The following SNRPB2 variants were observed in gnomAD, a reference collection of about 807,000 sequenced individuals.
SNRPB2 encodes U2 small nuclear ribonucleoprotein B''.
A neutral mutation model predicts 26.3 loss-of-function variants in SNRPB2; 16 were observed. The ratio of observed to expected loss-of-function variants is 0.61; its 90% CI spans 0.41 to 0.92. SNRPB2 has a LOEUF of 0.92. SNRPB2 is among the 40% of genes least tolerant of loss of function. The pLI is 0.00. For synonymous variants in SNRPB2, 75 were observed against 89.0 expected (o/e 0.84, Z 0.88); for missense variants, 179 against 268.1 (o/e 0.67, Z 2.32).
At chr20:16,733,152 C>G (rs1460393869) in intron 3 of SNRPB2, among the ~76,000 whole-genome samples, 1 of 152,220 alleles carries the variant, frequency 6.6e-6, no homozygotes, top group Non-Finnish European at 1.5e-5. Flanking sequence ...TCTGGTTGTA[C>G]TATTAACTGG....
intron 3 of SNRPB2, among the ~76,000 whole-genome samples, chr20:16,733,194 G>A (rs1438862959): frequency 2.6e-5 from 4 of 152,160 alleles, no homozygotes; most frequent in South Asian, 4.1e-4. Flanking sequence ...TACCACCTCC[G>A]GTAAACAAAT....
chr20:16,735,304 T>TC (rs2072418108), intron 3 of SNRPB2, among the ~76,000 whole-genome samples: 1 of 152,172 alleles, frequency 6.6e-6, no homozygotes, highest in African/African-American at 2.4e-5. Flanking sequence ...TACAAAGTAA[T>TC]TTGTACAGAT....
chr20:16,733,315 T>TA lies in SNRPB2; in HGVS notation c.237+980dup, dbSNP rs374797529. 7.8e-3 allele frequency among the ~76,000 whole-genome samples: 1,185 copies of TA among 152,354 alleles called. 17 individuals are homozygous for TA. The highest frequency in any genetic ancestry group is 0.027 in the African/African-American group (1,121 of 41,586). On this transcript the variant is annotated intron_variant, in intron 3 of 6. Transcript: ENST00000246071. ...TCTGTTACCTGTTCTTTTATGTACT[T>TA]ACGTTTTTTAACAACCCTTTAACAT...
At position 16,738,916 on chromosome 20, in the gene SNRPB2, C is replaced by A; in HGVS notation, c.429+14C>A. ...CCAAATCCTCAGGTAATTTTTTTTC[C>A]ATGTCGTGCTTACCTTAAAATAAGA... On this transcript the variant is annotated intron_variant, in intron 5 of 6. Transcript: ENST00000246071. 6.4e-7 allele frequency: 1 copy of A among 1,572,562 alleles called. No individual in the cohort carries two copies. Among genetic ancestry groups the A allele is most frequent in the Non-Finnish European group, 8.7e-7 (1 of 1,142,874 alleles).
intron 3 of SNRPB2, 61 bp downstream of exon 3, chr20:16,732,397 A>T (rs994125650): frequency 1.2e-6 from 1 of 849,592 alleles, no homozygotes; most frequent in African/African-American, 1.8e-5. Flanking sequence ...GGGACAGTAG[A>T]TTTGTAAATA....
chr20:16,738,303 G>A (rs1012958672), intron 4 of SNRPB2, among the ~76,000 whole-genome samples: 1 of 151,436 alleles, frequency 6.6e-6, no homozygotes, highest in Non-Finnish European at 1.5e-5. Flanking sequence ...TTACCTGGCC[G>A]TGGTGGTGGA....
At chr20:16,740,459 G>C (rs764076198) in intron 6 of SNRPB2, 46 bp downstream of exon 6, 12 of 1,601,776 alleles carry the variant, frequency 7.5e-6, no homozygotes, top group Non-Finnish European at 1.0e-5. Flanking sequence ...CTTCCTCACA[G>C]GACAAGTAGT....
In SNRPB2 at chr20:16,740,332, A is replaced by T. The variant is rs1226477962; in HGVS notation, c.437A>T (p.Asp146Val). ...GNSTPNPQVP[D>V]YPPNYILFLN... ...CTTTTTACTTTTTAATAGGTCCCTG[A>T]TTACCCTCCAAACTATATTTTATTC... Residue 146 changes from aspartate to valine, a missense_variant, in exon 6 of 7, where the codon GAT becomes GTT. Physicochemically the swap from Asp to Val is radical, Grantham distance 152 (BLOSUM62 -3). This residue lies in a region of SNRPB2 where 145 missense variants were observed against 180.7 expected (regional missense o/e 0.80). Coordinates refer to ENST00000246071, the MANE Select transcript of SNRPB2 (RefSeq NM_003092.5). The T allele has an allele frequency of 1.9e-6, 3 of 1,610,650 alleles. No individual in the cohort carries two copies.
rs1444283721 is a variant in SNRPB2, at chr20:16,742,084, A to T, written c.*1079A>T. 6.6e-6 allele frequency: 1 copy of T among 152,212 alleles called. No homozygotes were observed. Among genetic ancestry groups the T allele is most frequent in the Non-Finnish European group, 1.5e-5 (1 of 68,044 alleles). The allele number at this position is 152,212 out of a possible 1,614,324, so 9.4% of individuals were successfully genotyped here. A position where few individuals can be genotyped will look rare whatever the true frequency, so the allele number is the denominator to read the frequency against. ...CTTTTAGACTTACGTAGACAGTATCACATCACTCTTATGCATACATAAAGA... is the reference window on the plus strand; with the variant it reads ...CTTTTAGACTTACGTAGACAGTATCTCATCACTCTTATGCATACATAAAGA... On this transcript the variant is annotated 3_prime_UTR_variant, in exon 7 of 7. Coordinates refer to ENST00000246071, the MANE Select transcript of SNRPB2 (RefSeq NM_003092.5).
At chr20:16,739,239 A>AACT (rs1333590435) in intron 5 of SNRPB2, among the ~76,000 whole-genome samples, 1 of 152,228 alleles carries the variant, frequency 6.6e-6, no homozygotes, top group Non-Finnish European at 1.5e-5. Flanking sequence ...GGGTAAGGGT[A>AACT]ACTGGCAGGG....
intron 3 of SNRPB2, chr20:16,732,597 A>G (rs2072400116): frequency 3.8e-6 from 1 of 264,690 alleles, no homozygotes; most frequent in Non-Finnish European, 7.0e-6. Context: ...TCAAAAAGTT[A>G]GAAATTAATA....
intron 1 of SNRPB2, among the ~76,000 whole-genome samples, chr20:16,731,346 AT>A (rs2072388976): frequency 6.6e-6 from 1 of 152,254 alleles, no homozygotes; most frequent in Non-Finnish European, 1.5e-5. Flanking sequence ...TCAAATCTAC[AT>A]TTTAAAATTA....
chr20:16,731,578 G>A, intron 1 of SNRPB2, 90 bp from the exon 2 acceptor site: 1 of 1,304,852 alleles, frequency 7.7e-7, no homozygotes, highest in Non-Finnish European at 1.1e-6. Flanking sequence ...CTGACAACTG[G>A]GATTGAAAGA....
In SNRPB2 at chr20:16,741,027, A is replaced by G. The variant is rs1252381446; in HGVS notation, c.*22A>G. 1.3e-6 allele frequency: 2 copies of G among 1,559,974 alleles called. No homozygotes were observed. The highest frequency in any genetic ancestry group is 2.7e-5 in the African/African-American group (2 of 73,680). On this transcript the variant is annotated 3_prime_UTR_variant, in exon 7 of 7. Transcript: ENST00000246071. ...ATAACATTTGGGATAGTCGTCTTTA[A>G]AAGACTTGGTGTTATTTACAGTGTT...
chr20:16,738,796 C>T (rs2072444768), intron 4 of SNRPB2, 56 bp from the exon 5 acceptor site: 3 of 912,020 alleles, frequency 3.3e-6, no homozygotes, highest in Middle Eastern at 4.3e-4. Flanking sequence ...ATATAAATAC[C>T]TGCTGCGTTT....
At chr20:16,735,365 A>G (rs77187705) in intron 3 of SNRPB2, among the ~76,000 whole-genome samples, 93 of 149,528 alleles carry the variant, frequency 6.2e-4, no homozygotes, top group African/African-American at 2.2e-3. Context: ...CAGAGAGGCA[A>G]TAATTCTTTC....
chr20:16,730,625 C>T lies in SNRPB2; in HGVS notation c.-36+461C>T, dbSNP rs967685627. The T allele has an allele frequency of 2.0e-5, 3 of 152,256 alleles. No homozygotes were observed. In the East Asian group the frequency reaches 5.8e-4, roughly 29 times the overall value. The allele number at this position is 152,256 out of a possible 1,614,324, so 9.4% of individuals were successfully genotyped here. On this transcript the variant is annotated intron_variant, in intron 1 of 6. Coordinates refer to ENST00000246071, the MANE Select transcript of SNRPB2 (RefSeq NM_003092.5). Reference sequence around the variant, plus strand: ...AGGCTTTGAGAAGCGTTACGTTTTACCTGTTACCTGCACAAGTGCAGCCCC... The same window carrying T: ...AGGCTTTGAGAAGCGTTACGTTTTATCTGTTACCTGCACAAGTGCAGCCCC...
At chr20:16,737,484 A>G in intron 4 of SNRPB2, 83 bp downstream of exon 4, 2 of 1,313,034 alleles carry the variant, frequency 1.5e-6, no homozygotes, top group African/African-American at 1.5e-5. Flanking sequence ...GAATGATCTT[A>G]GGCTTGTCTG....
At chr20:16,733,508 C>T (rs1220292527) in intron 3 of SNRPB2, among the ~76,000 whole-genome samples, 1 of 152,166 alleles carries the variant, frequency 6.6e-6, no homozygotes, top group African/African-American at 2.4e-5. Context: ...CCAGTGGCAG[C>T]CTCAGGAGTT....
Sources: allele counts gnomAD v4.1 joint callset (sites outside exome capture counted in the v4.1 genomes callset), GRCh38; gene constraint gnomAD v4.1.1; regional missense constraint gnomAD v4.1.1; transcripts MANE v1.5; gene names NCBI Gene and HGNC (gene_info 2026-07-23, HGNC 2026-07-21).